MID1: variants seen among roughly 807,000 people sequenced by gnomAD.
MID1 encodes the protein midline 1, also known as E3 ubiquitin-protein ligase Midline-1.
In MID1, 7 loss-of-function variants were observed where a neutral mutation model predicts 40.4. That is an observed-to-expected ratio of 0.17 (90% CI 0.10 to 0.33). The LOEUF (loss-of-function observed/expected upper bound fraction) is 0.33. MID1 is among the 10% of genes least tolerant of loss of function. The pLI, the probability that MID1 is intolerant of heterozygous loss-of-function variation, is 1.00. For synonymous variants in MID1, 229 were observed against 221.2 expected, an observed-to-expected ratio of 1.04 and a Z score of -0.31; for missense variants, 367 against 558.5, an observed-to-expected ratio of 0.66 and a Z score of 3.46.
chrX:10,460,035 G>A, intron 7 of MID1: 1 of 438,758 alleles, frequency 2.3e-6, no homozygotes, highest in Non-Finnish European at 4.0e-6. Flanking sequence ...TAACTTTGCA[G>A]GTGCTCCTTC....
Position 10,449,031 on chromosome X carries a change from T to G in MID1, c.*337A>C. ...TTTTTTGTAAGCCCACAGATTGTGA[T>G]GAAATGAAGGTTGTAAATAGCTGAT... On this transcript the variant is annotated 3_prime_UTR_variant, in exon 10 of 10. Transcript: ENST00000317552. The G allele has an allele frequency of 5.0e-6, 1 of 200,369 alleles. No homozygotes were observed. The highest frequency in any genetic ancestry group is 9.1e-6 in the Non-Finnish European group (1 of 109,351). 16.5% of individuals were successfully genotyped at this position (200,369 alleles called of 1,213,427 possible). A position where few individuals can be genotyped will look rare whatever the true frequency, so the allele number is the denominator to read the frequency against.
At chrX:10,616,431 A>G (rs1278641572) in intron 1 of MID1, among the ~76,000 whole-genome samples, 3 of 112,171 alleles carry the variant, frequency 2.7e-5, no homozygotes, top group Non-Finnish European at 5.6e-5. Flanking sequence ...TGGGTTAAAA[A>G]TGTCCTGATT....
chrX:10,772,645 T>A (rs778056328), intron 1 of MID1, among the ~76,000 whole-genome samples: 30 of 109,809 alleles, frequency 2.7e-4, no homozygotes, highest in Non-Finnish European at 4.6e-4. Flanking sequence ...CAAGTAAAAT[T>A]TTAAATACAA....
At chrX:10,768,437 G>A (rs1378777483) in intron 1 of MID1, among the ~76,000 whole-genome samples, 1 of 111,724 alleles carries the variant, frequency 9.0e-6, no homozygotes, top group Non-Finnish European at 1.9e-5. Flanking sequence ...TCAGAAGGGC[G>A]TGTCACTTTC....
intron 1 of MID1, among the ~76,000 whole-genome samples, chrX:10,612,205 CAGAA>C (rs958518391): frequency 6.3e-5 from 7 of 111,816 alleles, no homozygotes; most frequent in Admixed American, 1.9e-4. Flanking sequence ...TTTATCTACT[CAGAA>C]AGTCATACCC....
intron 1 of MID1, among the ~76,000 whole-genome samples, chrX:10,804,862 A>G (rs1180751349): frequency 9.0e-6 from 1 of 111,346 alleles, no homozygotes; most frequent in Admixed American, 9.6e-5. Flanking sequence ...TTTGTAAACA[A>G]TGCTCTGGGC....
intron 1 of MID1, among the ~76,000 whole-genome samples, chrX:10,635,501 T>C (rs968272410): frequency 2.7e-5 from 3 of 112,026 alleles, no homozygotes; most frequent in Admixed American, 9.5e-5. Flanking sequence ...TCATTTTCCT[T>C]GCAACTCAAT....
At chrX:10,697,571 A>G (rs2043169576) in intron 1 of MID1, among the ~76,000 whole-genome samples, 1 of 111,578 alleles carries the variant, frequency 9.0e-6, no homozygotes, top group Admixed American at 9.6e-5. Flanking sequence ...AAAAAGCTCA[A>G]ATATCTTTAC....
chrX:10,603,833 A>G (rs1302170050), intron 1 of MID1, among the ~76,000 whole-genome samples: 1 of 111,718 alleles, frequency 9.0e-6, no homozygotes, highest in Non-Finnish European at 1.9e-5. Flanking sequence ...GGGGGCCATT[A>G]GAAAGGGGTT....
At chrX:10,754,687 G>A (rs1211607958) in intron 1 of MID1, among the ~76,000 whole-genome samples, 1 of 110,824 alleles carries the variant, frequency 9.0e-6, no homozygotes, top group Non-Finnish European at 1.9e-5. Flanking sequence ...CGATTAGCCG[G>A]GTGTGTGGGA....
intron 1 of MID1, among the ~76,000 whole-genome samples, chrX:10,679,510 T>A (rs891003683): frequency 5.4e-5 from 6 of 111,739 alleles, no homozygotes; most frequent in African/African-American, 2.0e-4. Flanking sequence ...AATAAAGGTG[T>A]ATTAGTACAC....
At chrX:10,516,561 TG>T (rs1426394068) in intron 3 of MID1, among the ~76,000 whole-genome samples, 1 of 10,729 alleles carries the variant, frequency 9.3e-5, no homozygotes, top group African/African-American at 1.8e-4. Flanking sequence ...ACTCTGCTCT[TG>T]TGTGTGTGTG....
At chrX:10,497,678 T>C (rs1464877875) in intron 3 of MID1, among the ~76,000 whole-genome samples, 1 of 111,525 alleles carries the variant, frequency 9.0e-6, no homozygotes, top group Admixed American at 9.5e-5. Flanking sequence ...ACAATAGTCC[T>C]GAATAAAATG....
At chrX:10,592,478 AC>A (rs1170517776) in intron 1 of MID1, among the ~76,000 whole-genome samples, 1 of 109,470 alleles carries the variant, frequency 9.1e-6, no homozygotes, top group Non-Finnish European at 1.9e-5. Flanking sequence ...CTTGAAAAAT[AC>A]TTTTCAGCTC....
intron 5 of MID1, 145 bp downstream of exon 5, chrX:10,482,335 G>T: frequency 3.0e-6 from 2 of 658,736 alleles, no homozygotes; most frequent in Non-Finnish European, 4.8e-6. Flanking sequence ...TCTTTAGCTG[G>T]AACAAAACAG....
chrX:10,568,551 A>C (rs1934636283), intron 1 of MID1, among the ~76,000 whole-genome samples: 1 of 110,463 alleles, frequency 9.1e-6, no homozygotes, highest in Admixed American at 9.6e-5. Flanking sequence ...TGGCCAAAAA[A>C]CTCCCACCAC....
chrX:10,464,778 C>CTT (rs1929244574), intron 7 of MID1, among the ~76,000 whole-genome samples: 1 of 111,996 alleles, frequency 8.9e-6, no homozygotes. Flanking sequence ...ATGAATTCTA[C>CTT]TTAGGCCCTG....
At position 10,546,144 on chromosome X, in the gene MID1, G is replaced by C. The variant is rs142970089; in HGVS notation, c.660+20744C>G. Among the ~76,000 whole-genome samples, 510 of 112,199 alleles carry C rather than the reference G, an allele frequency of 4.5e-3. 4 individuals carry two copies. The highest frequency in any genetic ancestry group is 0.016 in the African/African-American group (482 of 30,860). On this transcript the variant is annotated intron_variant, in intron 2 of 9. Coordinates refer to ENST00000317552, the MANE Select transcript of MID1 (RefSeq NM_000381.4). ...TGCCATGGGCATTTTGGGCATGCCT[G>C]AAATGTTCTAGCATTACACTCTCTG...
rs1480264678 is a variant in MID1, at chrX:10,495,691, C to T, written c.757G>A (p.Val253Ile). The change falls in exon 4 of 10, where the codon GTC (valine) becomes ATC (isoleucine). Residue 253 changes from valine (V) to isoleucine (I), a missense_variant and splice_region_variant. Physicochemically the swap from Val to Ile is conservative, Grantham distance 29. This residue lies in a region of MID1 where 275 missense variants were observed against 383.1 expected (regional missense o/e 0.72). Transcript: ENST00000317552. Reference sequence around the variant, plus strand: ...TTGGCTTCTTGACGTGATGCATTGACCTACAGGATAAGTACAATGGTAAGT... The same window carrying T: ...TTGGCTTCTTGACGTGATGCATTGATCTACAGGATAAGTACAATGGTAAGT... ...KLIQTCQHVE[V>I]NASRQEAKLT... 5.1e-6 allele frequency: 6 copies of T among 1,173,216 alleles called. No homozygotes were observed. Among genetic ancestry groups the T allele is most frequent in the Non-Finnish European group, 7.0e-6 (6 of 861,836 alleles).
Sources: allele counts gnomAD v4.1 joint callset (sites outside exome capture counted in the v4.1 genomes callset), GRCh38; gene constraint gnomAD v4.1.1; regional missense constraint gnomAD v4.1.1; transcripts MANE v1.5; gene names NCBI Gene and HGNC (gene_info 2026-07-23, HGNC 2026-07-21).